Variants in NCKAP5 observed in about 807,000 individuals in gnomAD.
NCKAP5 encodes the protein nck-associated protein 5.
A neutral mutation model predicts 167.0 loss-of-function variants in NCKAP5; 92 were observed. The observed-to-expected ratio is 0.55, with a 90% CI of 0.47 to 0.66. The LOEUF (loss-of-function observed/expected upper bound fraction) is 0.66. Ranked by LOEUF, NCKAP5 falls within the 30% of genes least tolerant of loss-of-function variation. The pLI is 0.00. For missense variants in NCKAP5, 2,378 were observed against 2,315.0 expected (o/e 1.03, Z -0.56); for synonymous variants, 891 against 877.4 (o/e 1.02, Z -0.27).
intron 3 of NCKAP5, among the ~76,000 whole-genome samples, chr2:133,452,967 C>T (rs1041660823): frequency 4.6e-5 from 7 of 152,036 alleles, no homozygotes; most frequent in African/African-American, 1.7e-4. Context: ...TTTCTCTCTC[C>T]TGCTATTACC....
intron 18 of NCKAP5, among the ~76,000 whole-genome samples, chr2:132,727,414 A>G (rs1370605009): frequency 6.6e-6 from 1 of 152,216 alleles, no homozygotes; most frequent in Admixed American, 6.5e-5. Flanking sequence ...GAACAGTGGC[A>G]GCAATGCTCT....
chr2:133,607,203 A>G, the NCKAP5 span, among the ~76,000 whole-genome samples: 3 of 152,206 alleles, frequency 2.0e-5, no homozygotes, highest in African/African-American at 7.2e-5. Context: ...AGCAAATGCC[A>G]AAGAGTCGTT....
At chr2:133,054,964 A>G (rs553386312) in intron 6 of NCKAP5, among the ~76,000 whole-genome samples, 24 of 152,336 alleles carry the variant, frequency 1.6e-4, no homozygotes, top group Middle Eastern at 3.4e-3. Context: ...AAATTTACAC[A>G]TATCTGTATA....
At chr2:133,250,928 TCAAACAAACAAA>T (rs201137645) in intron 4 of NCKAP5, among the ~76,000 whole-genome samples, 1 of 151,714 alleles carries the variant, frequency 6.6e-6, no homozygotes, top group African/African-American at 2.4e-5. Context: ...AGACCCTGTC[TCAAACAAACAAA>T]CAAACAAACA....
chr2:133,670,990 T>C, the NCKAP5 span, among the ~76,000 whole-genome samples: 3 of 151,284 alleles, frequency 2.0e-5, no homozygotes, highest in South Asian at 6.3e-4. Flanking sequence ...CTGAGGAGGG[T>C]GGATCACGAG....
chr2:133,577,289 G>A, the NCKAP5 span, among the ~76,000 whole-genome samples: 1 of 152,172 alleles, frequency 6.6e-6, no homozygotes, highest in African/African-American at 2.4e-5. Context: ...TGGTGAGGTT[G>A]TGGGTAGAAT....
Position 132,965,564 on chromosome 2 carries a change from T to G in NCKAP5, c.430-1695A>C, listed in dbSNP as rs556809743. ...CACTCAGCATATGCCACTTATATTTTATACATATACATATGTATATATGCA... is the reference window on the plus strand; with the variant it reads ...CACTCAGCATATGCCACTTATATTTGATACATATACATATGTATATATGCA... On this transcript the variant is annotated intron_variant, in intron 7 of 19. Transcript: ENST00000409261. 9.2e-5 allele frequency among the ~76,000 whole-genome samples: 14 copies of G among 152,286 alleles called. No individual in the cohort carries two copies. The East Asian group carries it at 2.7e-3, about 29-fold the overall frequency.
intron 3 of NCKAP5, among the ~76,000 whole-genome samples, chr2:133,360,477 G>C (rs1685025118): frequency 6.6e-6 from 1 of 152,192 alleles, no homozygotes; most frequent in Admixed American, 6.5e-5. Context: ...CAAGTAAGGA[G>C]AAGGAGAGAG....
intron 4 of NCKAP5, among the ~76,000 whole-genome samples, chr2:133,246,259 A>G (rs545580631): frequency 7.1e-4 from 68 of 95,348 alleles, no homozygotes; most frequent in African/African-American, 2.4e-3. Flanking sequence ...ATTCTAATGG[A>G]AAAAAAAAAA....
intron 2 of NCKAP5, among the ~76,000 whole-genome samples, chr2:133,530,321 T>C (rs901667332): frequency 6.6e-6 from 1 of 152,152 alleles, no homozygotes; most frequent in Admixed American, 6.5e-5. Context: ...GCTTTAATTA[T>C]GAGCTTTTAG....
chr2:132,920,678 T>TATATAA (rs1310367489), intron 8 of NCKAP5, among the ~76,000 whole-genome samples: 4 of 115,480 alleles, frequency 3.5e-5, no homozygotes, highest in South Asian at 2.4e-4. Flanking sequence ...TATATATATA[T>TATATAA]AAGTTAGTTT....
At chr2:132,843,774 C>T (rs1405471789) in intron 11 of NCKAP5, among the ~76,000 whole-genome samples, 2 of 151,906 alleles carry the variant, frequency 1.3e-5, no homozygotes, top group Non-Finnish European at 2.9e-5. Flanking sequence ...TCATCACTAT[C>T]CTATTTAGTA....
intron 8 of NCKAP5, among the ~76,000 whole-genome samples, chr2:132,937,339 T>C (rs1434990708): frequency 6.6e-6 from 1 of 152,206 alleles, no homozygotes; most frequent in Non-Finnish European, 1.5e-5. Context: ...TTAATAAATA[T>C]GGAAACCTCT....
At chr2:133,647,360 G>GAAGGAAGA in the NCKAP5 span, among the ~76,000 whole-genome samples, 1 of 99,788 alleles carries the variant, frequency 1.0e-5, no homozygotes, top group Non-Finnish European at 1.8e-5. Flanking sequence ...GGAAAGAAAG[G>GAAGGAAGA]AAGGAAGGAA....
At chr2:132,885,609 A>G (rs780565679) in intron 8 of NCKAP5, among the ~76,000 whole-genome samples, 3 of 152,234 alleles carry the variant, frequency 2.0e-5, no homozygotes, top group Admixed American at 2.0e-4. Flanking sequence ...ATCAAAGAGC[A>G]TCACAGAGCA....
intron 11 of NCKAP5, among the ~76,000 whole-genome samples, chr2:132,813,780 C>CA (rs915641420): frequency 7.9e-5 from 12 of 151,692 alleles, no homozygotes; most frequent in African/African-American, 2.4e-4. Flanking sequence ...TTTGGAGAAC[C>CA]AAAAAAAATT....
At chr2:133,619,705 C>T in the NCKAP5 span, among the ~76,000 whole-genome samples, 1 of 152,106 alleles carries the variant, frequency 6.6e-6, no homozygotes, top group African/African-American at 2.4e-5. Flanking sequence ...GGAAAACTTC[C>T]CTGGCCTTGC....
At position 133,341,579 on chromosome 2, in the gene NCKAP5, AATCT is replaced by A. The variant is rs1161864606; in HGVS notation, c.70-38473_70-38470del. 3.6e-4 allele frequency among the ~76,000 whole-genome samples: 55 copies of A among 152,158 alleles called. 1 individual carries two copies. Among genetic ancestry groups the A allele is most frequent in the African/African-American group, 1.0e-3 (43 of 41,432 alleles). ...GAGTACCAAAATATGTTCTCTTATC[AATCT>A]GTTATCTGAGAATGTATCTATATAA... is the stretch of plus-strand genomic sequence containing the variant. On this transcript the variant is annotated intron_variant, in intron 3 of 19. Coordinates refer to ENST00000409261, the MANE Select transcript of NCKAP5 (RefSeq NM_207363.3).
intron 3 of NCKAP5, among the ~76,000 whole-genome samples, chr2:133,423,041 G>C (rs1412732041): frequency 6.6e-6 from 1 of 152,106 alleles, no homozygotes; most frequent in Non-Finnish European, 1.5e-5. Flanking sequence ...CATCTAATTT[G>C]GGACATGTTC....
Sources: gnomAD v4.1 joint callset for allele counts (sites outside exome capture counted in the v4.1 genomes callset) on GRCh38, gnomAD v4.1.1 for gene constraint, MANE v1.5 for transcripts, NCBI Gene and HGNC (gene_info 2026-07-23, HGNC 2026-07-21) for gene names.